The following ZNF280D variants were observed in gnomAD, a reference collection of about 807,000 sequenced individuals.
ZNF280D encodes the protein zinc finger protein 280D.
In ZNF280D, 39 loss-of-function variants were observed where a neutral mutation model predicts 94.7. That is an observed-to-expected ratio of 0.41 (90% confidence interval 0.32 to 0.54). The LOEUF (loss-of-function observed/expected upper bound fraction) is 0.54. Ranked by LOEUF, ZNF280D falls within the 20% of genes least tolerant of loss-of-function variation. ZNF280D has a pLI of 0.22. For synonymous variants in ZNF280D, 398 were observed against 377.6 expected (o/e 1.05, Z -0.63); for missense variants, 1,090 against 1,149.3 (o/e 0.95, Z 0.75).
chr15:56,632,272 G>T, intron 21 of ZNF280D, 150 bp from the exon 22 acceptor site: 1 of 717,342 alleles, frequency 1.4e-6, no homozygotes, highest in Non-Finnish European at 2.1e-6. Flanking sequence ...CCTCGCTATG[G>T]CAGTAAAATT....
intron 6 of ZNF280D, among the ~76,000 whole-genome samples, chr15:56,693,532 A>T (rs551421463): frequency 6.6e-6 from 1 of 152,048 alleles, no homozygotes; most frequent in Admixed American, 6.6e-5. Flanking sequence ...AACTTCTTCA[A>T]GGTAAAAGAA....
At chr15:56,707,349 A>G (rs1413718444) in intron 1 of ZNF280D, 43 bp from the exon 2 acceptor site, 2 of 1,470,732 alleles carry the variant, frequency 1.4e-6, no homozygotes, top group African/African-American at 2.8e-5. Context: ...ACTTCATTAA[A>G]TTAGATGTAT....
intron 4 of ZNF280D, among the ~76,000 whole-genome samples, chr15:56,703,183 T>C (rs907867089): frequency 6.6e-6 from 1 of 152,178 alleles, no homozygotes; most frequent in Admixed American, 6.5e-5. Flanking sequence ...TCAAAGCTAA[T>C]AAGCCACAAA....
chr15:56,721,543 T>C (rs2141408378), intron 1 of ZNF280D, among the ~76,000 whole-genome samples: 1 of 152,286 alleles, frequency 6.6e-6, no homozygotes, highest in African/African-American at 2.4e-5. Context: ...CATGGATAAC[T>C]TGCTGAAACT....
At chr15:56,677,705 ATTT>A (rs2055325740) in intron 11 of ZNF280D, 31 bp from the exon 12 acceptor site, 3 of 917,398 alleles carry the variant, frequency 3.3e-6, no homozygotes, top group Non-Finnish European at 4.6e-6. Context: ...GTATAATAAT[ATTT>A]AAGATATTAA....
chr15:56,688,987 G>C (rs2141064517), intron 9 of ZNF280D, 54 bp downstream of exon 9: 3 of 1,160,678 alleles, frequency 2.6e-6, no homozygotes, highest in Non-Finnish European at 3.8e-6. Context: ...GTAATCATCA[G>C]TATTTTTAGA....
intron 16 of ZNF280D, among the ~76,000 whole-genome samples, chr15:56,659,918 A>C: frequency 6.6e-6 from 1 of 151,848 alleles, no homozygotes; most frequent in Admixed American, 6.6e-5. Context: ...AAAAAAATAT[A>C]TATATATACA....
At chr15:56,668,701 C>T (rs528899375) in intron 14 of ZNF280D, 122 bp downstream of exon 14, 27 of 935,698 alleles carry the variant, frequency 2.9e-5, no homozygotes, top group Non-Finnish European at 3.5e-5. Flanking sequence ...AAATTAAAAC[C>T]TAAAATTAGA....
At chr15:56,733,347 G>A in intron 1 of ZNF280D, 111 bp downstream of exon 1, 2 of 612,328 alleles carry the variant, frequency 3.3e-6, no homozygotes, top group South Asian at 7.1e-5. Flanking sequence ...GACGACCCGC[G>A]CCGGCCTCAA....
chr15:56,681,979 C>T (rs559452579), intron 10 of ZNF280D, among the ~76,000 whole-genome samples: 1 of 151,898 alleles, frequency 6.6e-6, no homozygotes, highest in Non-Finnish European at 1.5e-5. Flanking sequence ...AAAATCACGA[C>T]TAAAACAGAA....
intron 17 of ZNF280D, among the ~76,000 whole-genome samples, chr15:56,657,822 A>G (rs2053652351): frequency 6.6e-6 from 1 of 152,108 alleles, no homozygotes; most frequent in South Asian, 2.1e-4. Flanking sequence ...TGCTTCCTCA[A>G]ACGCTCAGCA....
At chr15:56,705,869 G>A (rs1374452314) in intron 3 of ZNF280D, among the ~76,000 whole-genome samples, 1 of 151,692 alleles carries the variant, frequency 6.6e-6, no homozygotes, top group East Asian at 1.9e-4. Flanking sequence ...ATAATCTATG[G>A]ACTAGGCGAA....
At chr15:56,668,990 AT>A in intron 13 of ZNF280D, 33 bp from the exon 14 acceptor site, 1 of 1,586,288 alleles carries the variant, frequency 6.3e-7, no homozygotes, top group Non-Finnish European at 8.6e-7. Context: ...AGGGGGAAAA[AT>A]AATTTCAAAA....
intron 19 of ZNF280D, among the ~76,000 whole-genome samples, chr15:56,646,692 C>G (rs1416492868): frequency 1.3e-5 from 2 of 152,302 alleles, no homozygotes; most frequent in East Asian, 3.9e-4. Flanking sequence ...AAGACTGTCT[C>G]TCCTCTCAAG....
chr15:56,670,290 A>G (rs1230197930), intron 13 of ZNF280D, among the ~76,000 whole-genome samples: 2 of 150,662 alleles, frequency 1.3e-5, no homozygotes, highest in Admixed American at 1.3e-4. Flanking sequence ...TTTTGTACAG[A>G]TTATTTCATC....
intron 20 of ZNF280D, among the ~76,000 whole-genome samples, chr15:56,636,308 T>G: frequency 6.6e-6 from 1 of 152,004 alleles, no homozygotes; most frequent in Admixed American, 6.6e-5. Context: ...AGAGATCAAT[T>G]TGCCCAGAGA....
At chr15:56,730,574 G>C (rs1441597273) in intron 1 of ZNF280D, 1 of 152,142 alleles carries the variant, frequency 6.6e-6, no homozygotes, top group Non-Finnish European at 1.5e-5. Flanking sequence ...AACTACTTCA[G>C]AACTTTTCTA....
At chr15:56,685,189 AAAGATGTTTTCAGAC>A (rs1409087668) in intron 9 of ZNF280D, among the ~76,000 whole-genome samples, 1 of 152,194 alleles carries the variant, frequency 6.6e-6, no homozygotes, top group Non-Finnish European at 1.5e-5. Context: ...GACCTCACAG[AAAGATGTTTTCAGAC>A]TCCTCCTAAA....
intron 1 of ZNF280D, among the ~76,000 whole-genome samples, chr15:56,715,827 C>G (rs1020019075): frequency 6.6e-6 from 1 of 152,108 alleles, no homozygotes; most frequent in Non-Finnish European, 1.5e-5. Flanking sequence ...TTTGGCCCTC[C>G]CTATCCGTGG....
Sources: gnomAD v4.1 joint callset for allele counts (sites outside exome capture counted in the v4.1 genomes callset) on GRCh38, gnomAD v4.1.1 for gene constraint, MANE v1.5 for transcripts, NCBI Gene and HGNC (gene_info 2026-07-23, HGNC 2026-07-21) for gene names.